The following PAFAH2 variants were observed in gnomAD, a reference collection of about 807,000 sequenced individuals.
PAFAH2 encodes the protein platelet activating factor acetylhydrolase 2.
A neutral mutation model predicts 49.0 loss-of-function variants in PAFAH2; 42 were observed. The observed-to-expected ratio is 0.86, with a 90% confidence interval of 0.67 to 1.11. The LOEUF is 1.11. Ranked by LOEUF, PAFAH2 falls within the 50% of genes least tolerant of loss-of-function variation. The pLI is 0.00. For missense variants in PAFAH2, 503 were observed against 501.8 expected, an observed-to-expected ratio of 1.00 and a Z score of -0.02; for synonymous variants, 184 against 181.3, an observed-to-expected ratio of 1.01 and a Z score of -0.12.
rs35777678 is a variant in PAFAH2 at position 25,983,573 on chromosome 1, AC to A, written c.552+372del. Among the ~76,000 whole-genome samples, 177 of 150,984 alleles carry A rather than the reference AC, an allele frequency of 1.2e-3. 18 individuals carry two copies. The highest frequency in any genetic ancestry group is 1.2e-3 in the African/African-American group (50 of 41,298). On this transcript the variant is annotated intron_variant, in intron 6 of 10. Transcript: ENST00000374282. ...TCCTGTCTCAAAAACAAAAAAAAAA[AC>A]AACTTATGGTTCTAACCTTGGAAAG...
At chr1:25,992,669 T>A (rs1008028394) in intron 1 of PAFAH2, among the ~76,000 whole-genome samples, 4 of 152,220 alleles carry the variant, frequency 2.6e-5, no homozygotes, top group Non-Finnish European at 5.9e-5. Context: ...CAATAACATA[T>A]GGCGAGCAGA....
rs1449295230 is a variant in PAFAH2, at chr1:25,989,434, AGGCCAGCCCTTACCC to A, written c.243_244+13del. 6.4e-7 allele frequency: 1 copy of A among 1,571,812 alleles called. No homozygotes were observed. Among genetic ancestry groups the A allele is most frequent in the African/African-American group, 1.4e-5 (1 of 73,362 alleles). Reference sequence around the variant, plus strand: ...GCAACTGGGAAAGCATGCAGAGGTCAGGCCAGCCCTTACCCACCGCCAGGTTGAACAGCAAGCCCC... The same window carrying A: ...GCAACTGGGAAAGCATGCAGAGGTCAACCGCCAGGTTGAACAGCAAGCCCC... On this transcript the variant is annotated splice_donor_variant and splice_donor_5th_base_variant and coding_sequence_variant and intron_variant, in exon 3 of 11. Transcript: ENST00000374282. LOFTEE classifies it high-confidence loss of function.
At chr1:25,977,180 G>A (rs2049605821) in intron 7 of PAFAH2, among the ~76,000 whole-genome samples, 2 of 150,792 alleles carry the variant, frequency 1.3e-5, no homozygotes, top group South Asian at 2.1e-4. Flanking sequence ...CCGCTACCAC[G>A]CCCGGCTAAT....
chr1:25,976,615 A>G (rs1188390264), intron 8 of PAFAH2, 67 bp downstream of exon 8: 5 of 1,187,472 alleles, frequency 4.2e-6, no homozygotes. Flanking sequence ...TACTTGTGTA[A>G]CAAATACTTT....
intron 10 of PAFAH2, among the ~76,000 whole-genome samples, chr1:25,966,853 A>T (rs2049431130): frequency 6.6e-6 from 1 of 152,028 alleles, no homozygotes; most frequent in Admixed American, 6.6e-5. Flanking sequence ...AACATGGCGA[A>T]ACTCCATCTC....
At chr1:25,977,071 G>A (rs1470949865) in intron 7 of PAFAH2, among the ~76,000 whole-genome samples, 3 of 140,592 alleles carry the variant, frequency 2.1e-5, no homozygotes, top group African/African-American at 8.5e-5. Flanking sequence ...CGCCCAGGCT[G>A]GAGTGCAGTG....
At chr1:25,996,309 G>T (rs1332025857) in intron 1 of PAFAH2, among the ~76,000 whole-genome samples, 1 of 152,202 alleles carries the variant, frequency 6.6e-6, no homozygotes, top group Admixed American at 6.5e-5. Context: ...AGGCCACAGT[G>T]AACCAAGATT....
intron 6 of PAFAH2, 152 bp downstream of exon 6, chr1:25,983,794 G>C (rs1481639842): frequency 1.2e-6 from 1 of 857,590 alleles, no homozygotes; most frequent in Non-Finnish European, 1.8e-6. Flanking sequence ...CAAGAGTCCT[G>C]ATTAATATCC....
At position 25,990,824 on chromosome 1, in the gene PAFAH2, C is replaced by G; in HGVS notation, c.-8G>C. 4 of 1,612,290 alleles carry G rather than the reference C, an allele frequency of 2.5e-6. No individual in the cohort carries two copies. Among genetic ancestry groups the G allele is most frequent in the Non-Finnish European group, 3.4e-6 (4 of 1,178,424 alleles). On this transcript the variant is annotated 5_prime_UTR_variant, in exon 2 of 11. Coordinates refer to ENST00000374282, the MANE Select transcript of PAFAH2 (RefSeq NM_000437.4). ...AGACTGGTTGACCCCCATTTCATCA[C>G]CGGGTGAATCAAATGACTTGCCGGA...
chr1:25,990,813 C>T lies in PAFAH2; in HGVS notation c.4G>A (p.Gly2Arg). 6.2e-7 allele frequency: 1 copy of T among 1,613,688 alleles called. No individual in the cohort carries two copies. The highest frequency in any genetic ancestry group is 1.3e-5 in the African/African-American group (1 of 75,038). Residue 2 changes from glycine (G) to arginine (R), a missense_variant, in exon 2 of 11, where the codon GGG (glycine) becomes AGG (arginine). Coordinates refer to ENST00000374282, the MANE Select transcript of PAFAH2 (RefSeq NM_000437.4). ...GGAAAGCCCACAGACTGGTTGACCC[C>T]CATTTCATCACCGGGTGAATCAAAT... M[G>R]VNQSVGFPPV... is the part of the protein sequence containing the mutation.
At chr1:25,983,912 A>G in intron 6 of PAFAH2, 34 bp downstream of exon 6, 1 of 1,611,222 alleles carries the variant, frequency 6.2e-7, no homozygotes, top group South Asian at 1.1e-5. Flanking sequence ...GAACAGGCTC[A>G]TTAACTCTCC....
At chr1:25,974,278 A>G (rs1478951713) in intron 9 of PAFAH2, among the ~76,000 whole-genome samples, 1 of 152,224 alleles carries the variant, frequency 6.6e-6, no homozygotes, top group Non-Finnish European at 1.5e-5. Context: ...CAGATAAACT[A>G]TGGAATAAAT....
At chr1:25,970,838 T>G (rs1461366587) in intron 10 of PAFAH2, among the ~76,000 whole-genome samples, 1 of 151,976 alleles carries the variant, frequency 6.6e-6, no homozygotes, top group East Asian at 1.9e-4. Flanking sequence ...TCCTCCCATC[T>G]CAGCCTCCCA....
At chr1:25,964,958 A>C (rs1480930059) in intron 10 of PAFAH2, among the ~76,000 whole-genome samples, 1 of 152,240 alleles carries the variant, frequency 6.6e-6, no homozygotes, top group Non-Finnish European at 1.5e-5. Context: ...TGTCAAAGCA[A>C]CCTTAAGCAA....
chr1:25,982,649 A>G (rs2049709154), intron 6 of PAFAH2, among the ~76,000 whole-genome samples, 172 bp from the exon 7 acceptor site: 1 of 152,138 alleles, frequency 6.6e-6, no homozygotes, highest in Non-Finnish European at 1.5e-5. Flanking sequence ...AGCTCACATA[A>G]GCACTGCCTA....
chr1:25,974,372 G>A, intron 9 of PAFAH2, 108 bp downstream of exon 9: 1 of 829,158 alleles, frequency 1.2e-6, no homozygotes, highest in Non-Finnish European at 1.8e-6. Context: ...GAAGTATTCA[G>A]GTATCCTACT....
At chr1:25,991,724 C>T (rs2049879302) in intron 1 of PAFAH2, among the ~76,000 whole-genome samples, 1 of 151,782 alleles carries the variant, frequency 6.6e-6, no homozygotes, top group Non-Finnish European at 1.5e-5. Flanking sequence ...GAAACCCCGT[C>T]TCTACTAAAA....
Position 25,962,029 on chromosome 1 carries a change from G to A in PAFAH2, c.1139C>T (p.Ser380Leu), listed in dbSNP as rs772171414. 7.4e-6 allele frequency: 12 copies of A among 1,613,996 alleles called. No homozygotes were observed. The highest frequency in any genetic ancestry group is 6.6e-5 in the South Asian group (6 of 91,064). ...WNNLIEGIGPSLTPGAPHHLS... is the reference protein window; with the variant it reads ...WNNLIEGIGPLLTPGAPHHLS... ...ATGGTGGGGGGCCCCTGGGGTGAGC[G>A]ACGGTCCAATGCCTTCAATAAGGTT... The change falls in exon 11 of 11, where the codon TCG becomes TTG. Residue 380 changes from serine to leucine, a missense_variant. Physicochemically the swap from Ser to Leu is moderately radical, Grantham distance 145. Coordinates refer to ENST00000374282, the MANE Select transcript of PAFAH2 (RefSeq NM_000437.4).
chr1:25,961,899 G>T lies in PAFAH2; in HGVS notation c.*90C>A. The T allele has an allele frequency of 1.2e-6, 1 of 833,966 alleles. No individual in the cohort carries two copies. Among genetic ancestry groups the T allele is most frequent in the Non-Finnish European group, 2.0e-6 (1 of 499,820 alleles). 51.7% of individuals were successfully genotyped at this position (833,966 alleles called of 1,614,324 possible). A position where few individuals can be genotyped will look rare whatever the true frequency, so the allele number is the denominator to read the frequency against. ...TCAATCTGTGAAAAGGGGTCACGTT[G>T]ATCACTTCTTGATAGGAGCTCATGG... On this transcript the variant is annotated 3_prime_UTR_variant, in exon 11 of 11. Transcript: ENST00000374282.
Sources: allele counts gnomAD v4.1 joint callset (sites outside exome capture counted in the v4.1 genomes callset), GRCh38; gene constraint gnomAD v4.1.1; transcripts MANE v1.5; gene names NCBI Gene and HGNC (gene_info 2026-07-23, HGNC 2026-07-21).